The following CSMD1 variants were observed in gnomAD, a reference collection of about 807,000 sequenced individuals.
The protein encoded by CSMD1 is CUB and Sushi multiple domains 1, also known as CUB and sushi domain-containing protein 1.
Under a neutral mutation model 417.5 loss-of-function variants are expected in CSMD1, and 213 were observed. The ratio of observed to expected loss-of-function variants is 0.51; its 90% CI spans 0.46 to 0.57. The LOEUF (loss-of-function observed/expected upper bound fraction) is 0.57, where lower values mean the gene tolerates loss of function less well. Among genes scored for constraint, CSMD1 ranks in the 20% least tolerant of loss-of-function variants. CSMD1 has a pLI of 0.00. For synonymous variants in CSMD1, 2,862 were observed against 1,736.8 expected (o/e 1.65, Z -16.11); for missense variants, 6,923 against 4,529.7 (o/e 1.53, Z -15.17).
chr8:4,874,976 T>A (rs1009082291), intron 1 of CSMD1, among the ~76,000 whole-genome samples: 2 of 151,758 alleles, frequency 1.3e-5, no homozygotes, highest in African/African-American at 2.4e-5. Context: ...TCTCCTTTAT[T>A]TCCTTCTTTC....
In CSMD1 at chr8:3,923,930, G is replaced by C. The variant is rs188267666; in HGVS notation, c.818+73973C>G. On this transcript the variant is annotated intron_variant, in intron 5 of 69. Transcript: ENST00000635120. ...TCCTTTAAATTTCATAAAAGAGTTA[G>C]ATTTTTCACCATTATTACAGTATTA... Among the ~76,000 whole-genome samples the C allele has an allele frequency of 3.6e-3, 544 of 152,194 alleles. 2 individuals are homozygous for C. The highest frequency in any genetic ancestry group is 0.01 in the Middle Eastern group (3 of 294).
intron 5 of CSMD1, among the ~76,000 whole-genome samples, chr8:3,844,995 T>G (rs1209792076): frequency 1.3e-5 from 2 of 152,202 alleles, no homozygotes; most frequent in Non-Finnish European, 2.9e-5. Flanking sequence ...CTGCACAAAC[T>G]TTAAAAGTTA....
intron 6 of CSMD1, among the ~76,000 whole-genome samples, chr8:3,726,076 G>C (rs1347520348): frequency 1.3e-5 from 2 of 152,128 alleles, no homozygotes; most frequent in Non-Finnish European, 2.9e-5. Context: ...CATGCCATGA[G>C]GGTACTCAAG....
chr8:4,234,589 G>C (rs1391433421), intron 3 of CSMD1, among the ~76,000 whole-genome samples: 2 of 152,054 alleles, frequency 1.3e-5, no homozygotes, highest in Non-Finnish European at 2.9e-5. Flanking sequence ...TTTTTTAATT[G>C]AGTGTTTGTA....
At chr8:3,425,046 A>G (rs1475530403) in intron 12 of CSMD1, among the ~76,000 whole-genome samples, 1 of 152,014 alleles carries the variant, frequency 6.6e-6, no homozygotes, top group East Asian at 1.9e-4. Context: ...CACTATGTTG[A>G]CCAGCCTGGT....
intron 3 of CSMD1, among the ~76,000 whole-genome samples, chr8:4,414,817 G>A (rs1416535462): frequency 6.6e-6 from 1 of 152,068 alleles, no homozygotes; most frequent in African/African-American, 2.4e-5. Context: ...TTTCCTTAGA[G>A]TTAGTTATTG....
At chr8:4,360,228 A>T (rs1295584156) in intron 3 of CSMD1, among the ~76,000 whole-genome samples, 2 of 152,074 alleles carry the variant, frequency 1.3e-5, no homozygotes, top group Non-Finnish European at 2.9e-5. Flanking sequence ...AACCCTTCTC[A>T]TCTAATGTTG....
At chr8:4,725,299 A>G (rs1809353330) in intron 1 of CSMD1, among the ~76,000 whole-genome samples, 1 of 152,176 alleles carries the variant, frequency 6.6e-6, no homozygotes, top group Admixed American at 6.5e-5. Context: ...ACTTTTCTTC[A>G]ACACCATTTT....
chr8:3,404,484 A>G (rs1440715860), intron 15 of CSMD1, among the ~76,000 whole-genome samples: 1 of 152,174 alleles, frequency 6.6e-6, no homozygotes, highest in Admixed American at 6.5e-5. Flanking sequence ...CTCCACACCT[A>G]GACCCCAGCT....
chr8:3,603,466 C>T (rs1386637690), intron 8 of CSMD1, among the ~76,000 whole-genome samples: 3 of 152,150 alleles, frequency 2.0e-5, no homozygotes, highest in Non-Finnish European at 4.4e-5. Context: ...CGCCCAATCC[C>T]ACTTTGTCCT....
At chr8:4,112,458 C>A (rs982799900) in intron 3 of CSMD1, among the ~76,000 whole-genome samples, 1 of 152,170 alleles carries the variant, frequency 6.6e-6, no homozygotes, top group African/African-American at 2.4e-5. Flanking sequence ...CCCCATTCTC[C>A]CCTGGTTCTT....
intron 18 of CSMD1, among the ~76,000 whole-genome samples, chr8:3,377,917 C>G (rs1810409059): frequency 6.6e-6 from 1 of 152,174 alleles, no homozygotes; most frequent in South Asian, 2.1e-4. Context: ...CTCTCTCTTT[C>G]TATCTAACTT....
At chr8:3,159,231 C>G (rs903719752) in intron 38 of CSMD1, among the ~76,000 whole-genome samples, 6 of 152,160 alleles carry the variant, frequency 3.9e-5, no homozygotes, top group Non-Finnish European at 7.4e-5. Context: ...TATTACCAAT[C>G]TAGGTAATAT....
chr8:3,648,217 A>G (rs17066758), intron 7 of CSMD1, among the ~76,000 whole-genome samples: 3,789 of 152,350 alleles, frequency 0.025, 148 homozygotes, highest in African/African-American at 0.086. Context: ...ACCATATACT[A>G]GAGACATGAT....
rs578108997 is a variant in CSMD1, at chr8:3,294,209, C to T, written c.3951-9863G>A. Among the ~76,000 whole-genome samples, 32 of 147,676 alleles carry T rather than the reference C, an allele frequency of 2.2e-4. 1 individual carries two copies. The highest frequency in any genetic ancestry group is 3.5e-4 in the Admixed American group (5 of 14,480). The stretch of plus-strand genomic sequence containing the variant: ...GAAGTTTTGTCTCAGAGTACCAGGC[C>T]GTGTGAGGTGTCTGTTGGCCCCTAC... On this transcript the variant is annotated intron_variant, in intron 25 of 69. Coordinates refer to ENST00000635120, the MANE Select transcript of CSMD1 (RefSeq NM_033225.6).
chr8:4,645,623 A>C (rs1803472838), intron 1 of CSMD1, among the ~76,000 whole-genome samples: 1 of 152,124 alleles, frequency 6.6e-6, no homozygotes, highest in Non-Finnish European at 1.5e-5. Flanking sequence ...AAGTAATTGT[A>C]GACTGGCAAA....
intron 3 of CSMD1, among the ~76,000 whole-genome samples, chr8:4,379,994 T>G (rs928923018): frequency 6.6e-6 from 1 of 152,238 alleles, no homozygotes; most frequent in African/African-American, 2.4e-5. Context: ...GCATCAGTAT[T>G]GCAGAGAGGA....
chr8:4,692,529 G>A (rs994584762), intron 1 of CSMD1, among the ~76,000 whole-genome samples: 2 of 152,092 alleles, frequency 1.3e-5, no homozygotes, highest in South Asian at 4.1e-4. Flanking sequence ...TCTGAGTTAA[G>A]GAACAAGGAG....
At chr8:4,126,955 G>T (rs1049186299) in intron 3 of CSMD1, among the ~76,000 whole-genome samples, 1 of 152,062 alleles carries the variant, frequency 6.6e-6, no homozygotes, top group Non-Finnish European at 1.5e-5. Flanking sequence ...TGCAGGTGAG[G>T]ACCTACACTG....
Sources: allele counts gnomAD v4.1 joint callset (sites outside exome capture counted in the v4.1 genomes callset), GRCh38; gene constraint gnomAD v4.1.1; transcripts MANE v1.5; gene names NCBI Gene and HGNC (gene_info 2026-07-23, HGNC 2026-07-21).